ATP2B4: variants seen among roughly 807,000 people sequenced by gnomAD.
ATP2B4 encodes ATPase plasma membrane Ca2+ transporting 4, also known as plasma membrane calcium-transporting ATPase 4.
A neutral mutation model predicts 110.3 loss-of-function variants in ATP2B4; 39 were observed. That is an observed-to-expected ratio of 0.35 (90% CI 0.27 to 0.46). ATP2B4 has a LOEUF of 0.46. Ranked by LOEUF, ATP2B4 falls within the 20% of genes least tolerant of loss-of-function variation. ATP2B4 has a pLI of 1.00. For synonymous variants in ATP2B4, 538 were observed against 571.7 expected (o/e 0.94, Z 0.84); for missense variants, 1,135 against 1,530.9 (o/e 0.74, Z 4.32).
intron 20 of ATP2B4, among the ~76,000 whole-genome samples, chr1:203,733,810 G>A (rs1324685074): frequency 6.6e-6 from 1 of 152,116 alleles, no homozygotes; most frequent in Non-Finnish European, 1.5e-5. Flanking sequence ...TAGATGTGAG[G>A]TTAGGCCAGA....
intron 1 of ATP2B4, among the ~76,000 whole-genome samples, chr1:203,661,643 A>G (rs546689218): frequency 6.6e-6 from 1 of 152,272 alleles, no homozygotes. Flanking sequence ...CACTCCCACC[A>G]TTGTCTCCTA....
At chr1:203,717,161 G>T (rs962093164) in intron 15 of ATP2B4, among the ~76,000 whole-genome samples, 6 of 152,190 alleles carry the variant, frequency 3.9e-5, no homozygotes, top group Non-Finnish European at 8.8e-5. Flanking sequence ...TCACGCCTCT[G>T]CATTCCAGCC....
chr1:203,738,647 A>G (rs1474616828), intron 20 of ATP2B4, among the ~76,000 whole-genome samples: 1 of 152,028 alleles, frequency 6.6e-6, no homozygotes, highest in Non-Finnish European at 1.5e-5. Flanking sequence ...ACATAAGACT[A>G]TGCTCCTCTT....
chr1:203,739,540 G>A lies in ATP2B4; in HGVS notation c.3310-6G>A. ...TCTCATCCTCCTTTTCCTTCCCCTG[G>A]TATAGATCAAAGTGGTCAAAGCGTT... On this transcript the variant is annotated splice_region_variant and splice_polypyrimidine_tract_variant and intron_variant, in intron 20 of 20. Coordinates refer to ENST00000357681, the MANE Select transcript of ATP2B4 (RefSeq NM_001684.5). 6.2e-7 allele frequency: 1 copy of A among 1,611,654 alleles called. No homozygotes were observed. Among genetic ancestry groups the A allele is most frequent in the Non-Finnish European group, 8.5e-7 (1 of 1,178,528 alleles).
intron 15 of ATP2B4, 102 bp downstream of exon 15, chr1:203,714,379 A>G: frequency 1.6e-6 from 2 of 1,261,016 alleles, no homozygotes; most frequent in African/African-American, 1.5e-5. Context: ...TGCATAGCCC[A>G]TGGGGTGCTT....
At chr1:203,692,922 C>T (rs943126130) in intron 2 of ATP2B4, among the ~76,000 whole-genome samples, 1 of 152,212 alleles carries the variant, frequency 6.6e-6, no homozygotes, top group Non-Finnish European at 1.5e-5. Flanking sequence ...TAAACATTCT[C>T]TTTGCCTCTC....
intron 20 of ATP2B4, among the ~76,000 whole-genome samples, chr1:203,731,879 G>GGAGGAA (rs745732856): frequency 1.4e-4 from 21 of 146,736 alleles, no homozygotes; most frequent in East Asian, 6.0e-4. Context: ...AAGGAAGGAG[G>GGAGGAA]GAGGAAGGAA....
chr1:203,634,551 G>A (rs890530003), intron 1 of ATP2B4, among the ~76,000 whole-genome samples: 10 of 152,272 alleles, frequency 6.6e-5, no homozygotes, highest in South Asian at 6.2e-4. Context: ...TTAGTCTAGC[G>A]TTTAATGGAT....
chr1:203,737,893 A>C (rs1475441542), intron 20 of ATP2B4, among the ~76,000 whole-genome samples: 1 of 152,184 alleles, frequency 6.6e-6, no homozygotes, highest in Non-Finnish European at 1.5e-5. Flanking sequence ...TCTCCTCCAG[A>C]GAAAACGGAC....
intron 1 of ATP2B4, among the ~76,000 whole-genome samples, chr1:203,653,855 C>T (rs756781821): frequency 7.2e-5 from 11 of 151,816 alleles, no homozygotes; most frequent in Non-Finnish European, 1.3e-4. Flanking sequence ...CCACGCCAGG[C>T]TTCTAGGGCC....
rs2102217116 is a variant in ATP2B4, at chr1:203,722,636, A to C, written c.2971A>C (p.Ile991Leu). The change falls in exon 18 of 21, where the codon ATC (isoleucine) becomes CTC (leucine). Residue 991 changes from isoleucine to leucine, a missense_variant. Around this residue, in one of 9 missense-constraint regions of ATP2B4, gnomAD observed 155 missense variants for 186.2 expected, o/e 0.83. Coordinates refer to ENST00000357681, the MANE Select transcript of ATP2B4 (RefSeq NM_001684.5). The stretch of plus-strand genomic sequence containing the variant: ...TGGAGAGAAGAACGTCTTTTCAGGC[A>C]TCTACCGCAACATTATCTTCTGCTC... The part of the protein sequence containing the change: ...IHGEKNVFSG[I>L]YRNIIFCSVV... 6.2e-7 allele frequency: 1 copy of C among 1,614,222 alleles called. No homozygotes were observed. Among genetic ancestry groups the C allele is most frequent in the Non-Finnish European group, 8.5e-7 (1 of 1,180,034 alleles).
At position 203,627,013 on chromosome 1, in the gene ATP2B4, G is replaced by A. The variant is rs933394522; in HGVS notation, c.-671G>A. The A allele has an allele frequency of 6.6e-6, 1 of 152,318 alleles. No individual in the cohort carries two copies. The highest frequency in any genetic ancestry group is 1.5e-5 in the Non-Finnish European group (1 of 68,118). The allele number at this position is 152,318 out of a possible 1,614,324, so 9.4% of individuals were successfully genotyped here. A position where few individuals can be genotyped will look rare whatever the true frequency, so the allele number is the denominator to read the frequency against. ...CACCCTTTTTCTTTCAGGAACCTGA[G>A]AGGTCCTTCCCATTGGAGGGGCAGG... On this transcript the variant is annotated 5_prime_UTR_variant, in exon 1 of 21. Coordinates refer to ENST00000357681, the MANE Select transcript of ATP2B4 (RefSeq NM_001684.5).
At chr1:203,732,775 A>G (rs1666767350) in intron 20 of ATP2B4, among the ~76,000 whole-genome samples, 1 of 151,420 alleles carries the variant, frequency 6.6e-6, no homozygotes, top group Non-Finnish European at 1.5e-5. Context: ...AGAGTGTGCC[A>G]CTGCACTCCA....
rs755024317 is a variant in ATP2B4 at position 203,712,147 on chromosome 1, C to T, written c.2211+8C>T. 5 of 1,613,206 alleles carry T rather than the reference C, an allele frequency of 3.1e-6. No homozygotes were observed. The highest frequency in any genetic ancestry group is 4.5e-5 in the East Asian group (2 of 44,868). ...CGCAACGAGAAAGGCGAGGTGGGTC[C>T]TGGCTAGGGGGAACCAGGACCTCAC... is the stretch of plus-strand genomic sequence containing the variant. On this transcript the variant is annotated splice_region_variant and intron_variant, in intron 13 of 20. Transcript: ENST00000357681.
At chr1:203,672,609 G>C (rs1382909114) in intron 1 of ATP2B4, among the ~76,000 whole-genome samples, 1 of 152,120 alleles carries the variant, frequency 6.6e-6, no homozygotes, top group Middle Eastern at 3.2e-3. Context: ...CGGTGAGCCT[G>C]GTGCTTCTTC....
chr1:203,681,720 G>A (rs1392164862), intron 1 of ATP2B4, among the ~76,000 whole-genome samples: 1 of 152,120 alleles, frequency 6.6e-6, no homozygotes, highest in Non-Finnish European at 1.5e-5. Flanking sequence ...TCTGAGGGGA[G>A]AAATGCTGGC....
At position 203,727,292 on chromosome 1, in the gene ATP2B4, A is replaced by G; in HGVS notation, c.3133-103A>G. ...CTGCTCTTCCAGTGGGAAGGGTGGT[A>G]GGGCAAAGAGTAACCTGCCCAAGGG... On this transcript the variant is annotated intron_variant, in intron 19 of 20. Coordinates refer to ENST00000357681, the MANE Select transcript of ATP2B4 (RefSeq NM_001684.5). The G allele has an allele frequency of 6.0e-6, 8 of 1,339,660 alleles. No individual in the cohort carries two copies. In the South Asian group the frequency reaches 9.7e-5, roughly 16 times the overall value. 83.0% of individuals were successfully genotyped at this position (1,339,660 alleles called of 1,614,324 possible).
chr1:203,720,659 C>T lies in ATP2B4; in HGVS notation c.2517C>T (p.Ser839=). 2 of 1,614,160 alleles carry T rather than the reference C, an allele frequency of 1.2e-6. No homozygotes were observed. Among genetic ancestry groups the T allele is most frequent in the Non-Finnish European group, 1.7e-6 (2 of 1,179,996 alleles). Residue 839 remains serine (S), a synonymous_variant, in exon 16 of 21, where the codon AGC becomes AGT. Transcript: ENST00000357681. ...AVMWGRNVYD[S]ISKFLQFQLT... is the part of the protein sequence containing the mutation. ...TGTGGGGACGAAATGTCTATGACAGCATCTCCAAGTTCCTGCAGTTCCAGC... is the reference window on the plus strand; with the variant it reads ...TGTGGGGACGAAATGTCTATGACAGTATCTCCAAGTTCCTGCAGTTCCAGC...
At chr1:203,635,966 A>G (rs1663425014) in intron 1 of ATP2B4, among the ~76,000 whole-genome samples, 1 of 152,066 alleles carries the variant, frequency 6.6e-6, no homozygotes, top group Non-Finnish European at 1.5e-5. Flanking sequence ...TCCAGACAGG[A>G]GCACCTGGGC....
Sources: gnomAD v4.1 joint callset for allele counts (sites outside exome capture counted in the v4.1 genomes callset) on GRCh38, gnomAD v4.1.1 for gene constraint, gnomAD v4.1.1 regional missense constraint, MANE v1.5 for transcripts, NCBI Gene and HGNC (gene_info 2026-07-23, HGNC 2026-07-21) for gene names.